CDIP1: variants seen among roughly 807,000 people sequenced by gnomAD.
The protein encoded by CDIP1 is cell death-inducing p53-target protein 1.
Under a neutral mutation model 17.7 loss-of-function variants are expected in CDIP1, and 9 were observed. The ratio of observed to expected loss-of-function variants is 0.51; its 90% confidence interval spans 0.31 to 0.89. The LOEUF (loss-of-function observed/expected upper bound fraction) is 0.89. Among genes scored for constraint, CDIP1 ranks in the 40% least tolerant of loss-of-function variants. CDIP1 has a pLI of 0.05. For synonymous variants in CDIP1, 117 were observed against 109.5 expected (o/e 1.07, Z -0.43); for missense variants, 263 against 277.9 (o/e 0.95, Z 0.38).
chr16:4,531,570 C>T (rs534180904), intron 1 of CDIP1, among the ~76,000 whole-genome samples: 111 of 152,254 alleles, frequency 7.3e-4, no homozygotes, highest in Middle Eastern at 3.4e-3. Flanking sequence ...AAGACAGGTG[C>T]CCTGTGAAGT....
rs1467018499 is a variant in CDIP1, at chr16:4,511,024, T to C, written c.*1548A>G. The stretch of plus-strand genomic sequence containing the variant: ...TTGCAGATCCCATGCGTGGATGCCA[T>C]ATATAGATGGTTGAAACCAGCATCA... On this transcript the variant is annotated 3_prime_UTR_variant, in exon 6 of 6. Transcript: ENST00000567695. 2 of 152,188 alleles carry C rather than the reference T, an allele frequency of 1.3e-5. No individual in the cohort carries two copies. The highest frequency in any genetic ancestry group is 2.9e-5 in the Non-Finnish European group (2 of 68,054). The allele number at this position is 152,188 out of a possible 1,614,324, so 9.4% of individuals were successfully genotyped here. A position where few individuals can be genotyped will look rare whatever the true frequency, so the allele number is the denominator to read the frequency against.
chr16:4,521,716 A>AG (rs888688817), intron 1 of CDIP1, among the ~76,000 whole-genome samples: 5 of 149,940 alleles, frequency 3.3e-5, no homozygotes, highest in Admixed American at 2.0e-4. Context: ...AAAAAAAAAA[A>AG]AAAAAAGGCG....
At position 4,513,715 on chromosome 16, in the gene CDIP1, A is replaced by G. The variant is rs201660578; in HGVS notation, c.222T>C (p.Asp74=). ...PGFIPPHMSA[D]GTYMPPGFYP... ...ACTCACCCGGAGGCATGTAGGTGCCATCTGCACTCATGTGTGGTGGGATGA... is the reference window on the plus strand; with the variant it reads ...ACTCACCCGGAGGCATGTAGGTGCCGTCTGCACTCATGTGTGGTGGGATGA... The change falls in exon 4 of 6, where the codon GAT becomes GAC. Residue 74 remains aspartate (D), a synonymous_variant. Transcript: ENST00000567695. This position sits in a 1 kb window ranked among gnomAD's most constrained non-coding sequence, Gnocchi z 4.1. 63 of 1,613,720 alleles carry G rather than the reference A, an allele frequency of 3.9e-5. No individual in the cohort carries two copies. In the African/African-American group the frequency reaches 7.7e-4, roughly 20 times the overall value.
rs898638631 is a variant in CDIP1, at chr16:4,512,477, G to A, written c.*95C>T. ...CTAGGGGATGGTGGCACGGCTCCCA[G>A]CCCCAAGTGGGAGCGGGAAAGTGAC... On this transcript the variant is annotated 3_prime_UTR_variant, in exon 6 of 6. Transcript: ENST00000567695. The surrounding 1 kb of genome is among the most constrained non-coding windows in gnomAD (Gnocchi z 4.6). 1.1e-6 allele frequency: 1 copy of A among 887,862 alleles called. No homozygotes were observed. Among genetic ancestry groups the A allele is most frequent in the African/African-American group, 1.6e-5 (1 of 60,956 alleles). 55.0% of individuals were successfully genotyped at this position (887,862 alleles called of 1,614,324 possible). A position where few individuals can be genotyped will look rare whatever the true frequency, so the allele number is the denominator to read the frequency against.
In CDIP1 at chr16:4,513,011, G is replaced by C; in HGVS notation, c.295C>G (p.Pro99Ala). 1 of 1,591,650 alleles carries C rather than the reference G, an allele frequency of 6.3e-7. No homozygotes were observed. Among genetic ancestry groups the C allele is most frequent in the Non-Finnish European group, 8.5e-7 (1 of 1,170,778 alleles). The change falls in exon 5 of 6, where the codon CCC (proline) becomes GCC (alanine). Residue 99 changes from proline (P) to alanine (A), a missense_variant. Transcript: ENST00000567695. This position sits in a 1 kb window ranked among gnomAD's most constrained non-coding sequence, Gnocchi z 4.1. The part of the protein sequence containing the change: ...HPPMGYYPPG[P>A]YTPGPYPGPG... ...CCAGGGTAGGGCCCTGGCGTGTAGG[G>C]CCCTGGGGGGTAGTAGCCCATGGGT...
intron 1 of CDIP1, among the ~76,000 whole-genome samples, chr16:4,516,857 G>A (rs866243477): frequency 2.0e-5 from 3 of 151,858 alleles, no homozygotes; most frequent in Non-Finnish European, 2.9e-5. Context: ...ACAGGCACAC[G>A]GCACCACGAC....
intron 1 of CDIP1, among the ~76,000 whole-genome samples, chr16:4,515,587 A>G (rs952903950): frequency 1.3e-5 from 2 of 152,248 alleles, no homozygotes; most frequent in African/African-American, 4.8e-5. Context: ...ACTCAATAAC[A>G]GAAAGACAAC....
chr16:4,518,786 G>A (rs1333910087), intron 1 of CDIP1, among the ~76,000 whole-genome samples: 2 of 152,330 alleles, frequency 1.3e-5, no homozygotes, highest in South Asian at 2.1e-4. Flanking sequence ...CACACGATCA[G>A]AAGCAAAATA....
intron 1 of CDIP1, among the ~76,000 whole-genome samples, chr16:4,525,542 T>C (rs2058990934): frequency 6.6e-6 from 1 of 152,064 alleles, no homozygotes; most frequent in Non-Finnish European, 1.5e-5. Flanking sequence ...CCCCAAACCC[T>C]CTCCACTCCC....
intron 1 of CDIP1, among the ~76,000 whole-genome samples, chr16:4,521,883 G>C (rs182863979): frequency 1.3e-5 from 2 of 152,244 alleles, no homozygotes; most frequent in Admixed American, 1.3e-4. Flanking sequence ...GACTGTGTGT[G>C]AAACGCCTGC....
At position 4,512,550 on chromosome 16, in the gene CDIP1, G is replaced by A; in HGVS notation, c.*22C>T. ...ACAGGGGGCCAGACTGACAGGCGGGGGAGTCCCGAGTCCCAGCTCCGTTAG... is the reference window on the plus strand; with the variant it reads ...ACAGGGGGCCAGACTGACAGGCGGGAGAGTCCCGAGTCCCAGCTCCGTTAG... On this transcript the variant is annotated 3_prime_UTR_variant, in exon 6 of 6. Transcript: ENST00000567695. The surrounding 1 kb of genome is among the most constrained non-coding windows in gnomAD (Gnocchi z 4.6). 2 of 1,549,274 alleles carry A rather than the reference G, an allele frequency of 1.3e-6. No individual in the cohort carries two copies. Among genetic ancestry groups the A allele is most frequent in the South Asian group, 2.2e-5 (2 of 89,772 alleles).
chr16:4,519,127 T>C (rs1231921524), intron 1 of CDIP1, among the ~76,000 whole-genome samples: 1 of 152,204 alleles, frequency 6.6e-6, no homozygotes, highest in Non-Finnish European at 1.5e-5. Flanking sequence ...AAGTCACTCC[T>C]ATGGAAGACC....
Position 4,512,626 on chromosome 16 carries a change from C to A in CDIP1, c.573G>T (p.Thr191=), listed in dbSNP as rs919660576. ...PCLINDFKDV[T]HTCPSCKAYI... is the part of the protein sequence containing the mutation. Reference sequence around the variant, plus strand: ...AGGCTTTGCAGCTGGGGCATGTGTGCGTCACATCCTTGAAGTCATTGATGA... The same window carrying A: ...AGGCTTTGCAGCTGGGGCATGTGTGAGTCACATCCTTGAAGTCATTGATGA... The change falls in exon 6 of 6, where the codon ACG becomes ACT. Residue 191 remains threonine, a synonymous_variant. Transcript: ENST00000567695. This position sits in a 1 kb window ranked among gnomAD's most constrained non-coding sequence, Gnocchi z 4.6. The A allele has an allele frequency of 8.1e-6, 13 of 1,613,934 alleles. No individual in the cohort carries two copies. The highest frequency in any genetic ancestry group is 1.1e-5 in the Non-Finnish European group (13 of 1,179,984).
At chr16:4,532,832 A>T (rs1391197932) in intron 1 of CDIP1, 1 of 152,252 alleles carries the variant, frequency 6.6e-6, no homozygotes, top group Non-Finnish European at 1.5e-5. Flanking sequence ...CATGCTGGGG[A>T]CAGAAACTAA....
intron 1 of CDIP1, among the ~76,000 whole-genome samples, chr16:4,517,753 A>C (rs1030718453): frequency 1.3e-5 from 2 of 151,914 alleles, no homozygotes; most frequent in South Asian, 2.1e-4. Context: ...AAAACAAAAA[A>C]AAAAAAAACA....
At chr16:4,530,223 G>C (rs1449479457) in intron 1 of CDIP1, among the ~76,000 whole-genome samples, 1 of 152,212 alleles carries the variant, frequency 6.6e-6, no homozygotes, top group African/African-American at 2.4e-5. Context: ...TACATTAGAT[G>C]CAACAGTATA....
intron 1 of CDIP1, among the ~76,000 whole-genome samples, chr16:4,519,010 CAA>C (rs940845274): frequency 2.6e-5 from 4 of 152,120 alleles, no homozygotes; most frequent in African/African-American, 9.7e-5. Context: ...CTGACAAATC[CAA>C]GAGAGGCTTC....
In CDIP1 at chr16:4,513,007, T is replaced by C; in HGVS notation, c.299A>G (p.Tyr100Cys). Residue 100 changes from tyrosine to cysteine, a missense_variant, in exon 5 of 6, where the codon TAC becomes TGC. Coordinates refer to ENST00000567695, the MANE Select transcript of CDIP1 (RefSeq NM_013399.3). This position sits in a 1 kb window ranked among gnomAD's most constrained non-coding sequence, Gnocchi z 4.1. ...PPMGYYPPGP[Y>C]TPGPYPGPGG... ...AGGGCCAGGGTAGGGCCCTGGCGTG[T>C]AGGGCCCTGGGGGGTAGTAGCCCAT... The C allele has an allele frequency of 6.3e-7, 1 of 1,590,492 alleles. No homozygotes were observed. The highest frequency in any genetic ancestry group is 8.5e-7 in the Non-Finnish European group (1 of 1,169,692).
chr16:4,529,065 A>C (rs546202897), intron 1 of CDIP1, among the ~76,000 whole-genome samples: 1 of 152,268 alleles, frequency 6.6e-6, no homozygotes, highest in East Asian at 1.9e-4. Context: ...AATTTCACCT[A>C]CAGGAGAAAA....
Sources: gnomAD v4.1 joint callset for allele counts (sites outside exome capture counted in the v4.1 genomes callset) on GRCh38, gnomAD v4.1.1 for gene constraint, Gnocchi (gnomAD v3.1) non-coding constraint, MANE v1.5 for transcripts, NCBI Gene and HGNC (gene_info 2026-07-23, HGNC 2026-07-21) for gene names.